Variants in ABCG1 observed in about 807,000 individuals in gnomAD.
The protein encoded by ABCG1 is ATP binding cassette subfamily G member 1.
In ABCG1, 29 loss-of-function variants were observed where a neutral mutation model predicts 69.2. The ratio of observed to expected loss-of-function variants is 0.42; its 90% CI spans 0.31 to 0.57. ABCG1 has a LOEUF of 0.57. ABCG1 is among the 20% of genes least tolerant of loss of function. ABCG1 has a pLI of 0.15. For synonymous variants in ABCG1, 370 were observed against 374.8 expected (o/e 0.99, Z 0.15); for missense variants, 718 against 898.1 (o/e 0.80, Z 2.56).
chr21:42,255,797 G>A (rs1477486685), intron 2 of ABCG1, among the ~76,000 whole-genome samples: 2 of 152,262 alleles, frequency 1.3e-5, no homozygotes, highest in South Asian at 4.1e-4. Context: ...GACTTTCAAT[G>A]AAAATCTCTC....
chr21:42,229,729 A>C (rs1005525652), intron 2 of ABCG1, among the ~76,000 whole-genome samples: 20 of 151,932 alleles, frequency 1.3e-4, no homozygotes, highest in East Asian at 9.6e-4. Context: ...CAAAAAAAAA[A>C]CACAAAAACA....
intron 2 of ABCG1, chr21:42,259,394 C>A: frequency 7.1e-6 from 11 of 1,550,344 alleles, no homozygotes; most frequent in Non-Finnish European, 9.6e-6. Context: ...ACTGCGTGTC[C>A]TGCAAAATCG....
chr21:42,267,063 A>G (rs1371617674), intron 2 of ABCG1, among the ~76,000 whole-genome samples: 2 of 152,354 alleles, frequency 1.3e-5, no homozygotes, highest in Middle Eastern at 3.4e-3. Flanking sequence ...CTTAGCATGC[A>G]GTGCTCAGAG....
chr21:42,243,473 TGTGTGTGTGTGTGTGTGC>T (rs2068084624), intron 2 of ABCG1, among the ~76,000 whole-genome samples: 5 of 150,856 alleles, frequency 3.3e-5, no homozygotes, highest in African/African-American at 9.8e-5. Context: ...TGTGTGTGTG[TGTGTGTGTGTGTGTGTGC>T]GCTGGTTTAT....
chr21:42,231,435 A>G (rs1008453202), intron 2 of ABCG1, among the ~76,000 whole-genome samples: 1 of 152,210 alleles, frequency 6.6e-6, no homozygotes, highest in Non-Finnish European at 1.5e-5. Context: ...GGGGTTAAAT[A>G]TTCCGGGCAG....
At chr21:42,200,596 C>CTTTTTTTT (rs200131320) in intron 1 of ABCG1, among the ~76,000 whole-genome samples, 2,836 of 138,600 alleles carry the variant, frequency 0.02, 130 homozygotes, top group African/African-American at 0.072. Flanking sequence ...TTATGTTGCA[C>CTTTTTTTT]TTTTTTTTTT....
At chr21:42,290,279 C>T in intron 11 of ABCG1, 61 bp downstream of exon 11, 1 of 1,554,802 alleles carries the variant, frequency 6.4e-7, no homozygotes, top group Non-Finnish European at 8.8e-7. Flanking sequence ...AGCATGGGGG[C>T]CTGAAGTCAC....
Position 42,219,890 on chromosome 21 carries a change from G to A in ABCG1, c.42+586G>A. On this transcript the variant is annotated intron_variant, in intron 1 of 14. Transcript: ENST00000398449. The surrounding 1 kb of genome is among the most constrained non-coding windows in gnomAD (Gnocchi z 5.3). ...CGGGGAGGCGGCGGCGAAGGCCCGGGGAGACCCGCGAGGGGCAAGCCCGGA... is the reference window on the plus strand; with the variant it reads ...CGGGGAGGCGGCGGCGAAGGCCCGGAGAGACCCGCGAGGGGCAAGCCCGGA... 2 of 1,545,560 alleles carry A rather than the reference G, an allele frequency of 1.3e-6. No homozygotes were observed. Among genetic ancestry groups the A allele is most frequent in the East Asian group, 4.9e-5 (2 of 40,842 alleles).
intron 2 of ABCG1, among the ~76,000 whole-genome samples, chr21:42,228,816 C>T (rs918476016): frequency 1.3e-5 from 2 of 152,240 alleles, no homozygotes; most frequent in Admixed American, 6.5e-5. Context: ...CCTCTCTGTG[C>T]CCACTGTTGT....
At chr21:42,279,251 C>T (rs8134263) in intron 5 of ABCG1, among the ~76,000 whole-genome samples, 2,101 of 152,190 alleles carry the variant, frequency 0.014, 18 homozygotes, top group African/African-American at 0.032. Flanking sequence ...GAGCCAAGAG[C>T]TCTGGAGAGG....
rs2068715216 is a variant in ABCG1 at position 42,276,636 on chromosome 21, G to T, written c.538-259G>T. 2.2e-6 allele frequency: 1 copy of T among 454,446 alleles called. No homozygotes were observed. 28.2% of individuals were successfully genotyped at this position (454,446 alleles called of 1,614,324 possible). A position where few individuals can be genotyped will look rare whatever the true frequency, so the allele number is the denominator to read the frequency against. On this transcript the variant is annotated intron_variant, in intron 4 of 14. Transcript: ENST00000398449. The surrounding 1 kb of genome is among the most constrained non-coding windows in gnomAD (Gnocchi z 5.3). ...TGGCACCGTGGCTAGCTGCATGGTGGCTAGTTGCACCGTGGCTAGTGGCCT... is the reference window on the plus strand; with the variant it reads ...TGGCACCGTGGCTAGCTGCATGGTGTCTAGTTGCACCGTGGCTAGTGGCCT...
chr21:42,236,173 G>C (rs916581957), intron 2 of ABCG1, among the ~76,000 whole-genome samples: 1 of 152,214 alleles, frequency 6.6e-6, no homozygotes, highest in Non-Finnish European at 1.5e-5. Context: ...AATCTGCAGC[G>C]TTGGCTCCGC....
chr21:42,272,519 C>T (rs2068634088), intron 3 of ABCG1, among the ~76,000 whole-genome samples: 1 of 152,360 alleles, frequency 6.6e-6, no homozygotes, highest in East Asian at 1.9e-4. Flanking sequence ...TCCGTAGATT[C>T]GCCTCTGTTT....
At chr21:42,217,832 C>T (rs2067659105), upstream of ABCG1, among the ~76,000 whole-genome samples, 4 of 151,948 alleles carry the variant, frequency 2.6e-5, no homozygotes, top group South Asian at 8.4e-4. Flanking sequence ...GCTGGGACTA[C>T]AGGTGCCCGC....
Position 42,219,906 on chromosome 21 carries a change from C to A in ABCG1, c.42+602C>A, listed in dbSNP as rs2123495399. 4 of 1,548,300 alleles carry A rather than the reference C, an allele frequency of 2.6e-6. No homozygotes were observed. In the East Asian group the frequency reaches 9.8e-5, roughly 38 times the overall value. ...AAGGCCCGGGGAGACCCGCGAGGGGCAAGCCCGGATTCCTGCCGGCCGCCT... is the reference window on the plus strand; with the variant it reads ...AAGGCCCGGGGAGACCCGCGAGGGGAAAGCCCGGATTCCTGCCGGCCGCCT... On this transcript the variant is annotated intron_variant, in intron 1 of 14. Coordinates refer to ENST00000398449, the MANE Select transcript of ABCG1 (RefSeq NM_016818.3). The surrounding 1 kb of genome is among the most constrained non-coding windows in gnomAD (Gnocchi z 5.3).
intron 7 of ABCG1, 129 bp downstream of exon 7, chr21:42,284,812 T>G (rs2068908223): frequency 7.8e-7 from 1 of 1,276,946 alleles, no homozygotes; most frequent in African/African-American, 1.5e-5. Context: ...AAACCCTGGG[T>G]ACCCACAGCC....
intron 2 of ABCG1, among the ~76,000 whole-genome samples, chr21:42,233,782 C>T (rs2067935460): frequency 6.6e-6 from 1 of 152,362 alleles, no homozygotes; most frequent in South Asian, 2.1e-4. Context: ...TGGGCAGGCG[C>T]CCCTGCTGGA....
intron 2 of ABCG1, among the ~76,000 whole-genome samples, chr21:42,258,727 G>T (rs575347999): frequency 5.9e-5 from 9 of 152,158 alleles, no homozygotes; most frequent in Admixed American, 5.9e-4. Context: ...CCTCTCAGGG[G>T]AGTAGGGCGC....
In ABCG1 at chr21:42,296,453, C is replaced by A; in HGVS notation, c.*61C>A. 2.0e-6 allele frequency: 3 copies of A among 1,470,512 alleles called. No individual in the cohort carries two copies. Among genetic ancestry groups the A allele is most frequent in the East Asian group, 2.3e-5 (1 of 43,190 alleles). The allele number at this position is 1,470,512 out of a possible 1,614,324, so 91.1% of individuals were successfully genotyped here. A position where few individuals can be genotyped will look rare whatever the true frequency, so the allele number is the denominator to read the frequency against. On this transcript the variant is annotated 3_prime_UTR_variant, in exon 15 of 15. Coordinates refer to ENST00000398449, the MANE Select transcript of ABCG1 (RefSeq NM_016818.3). The surrounding 1 kb of genome is among the most constrained non-coding windows in gnomAD (Gnocchi z 5.4). Reference sequence around the variant, plus strand: ...CTGTGGCCGAGGGCACGTCTAGAATCGAGGAGGCAAGCCTGTGCCCGACCG... The same window carrying A: ...CTGTGGCCGAGGGCACGTCTAGAATAGAGGAGGCAAGCCTGTGCCCGACCG...
Sources: gnomAD v4.1 joint callset for allele counts (sites outside exome capture counted in the v4.1 genomes callset) on GRCh38, gnomAD v4.1.1 for gene constraint, Gnocchi (gnomAD v3.1) non-coding constraint, MANE v1.5 for transcripts, NCBI Gene and HGNC (gene_info 2026-07-23, HGNC 2026-07-21) for gene names.